The following ANAPC1 variants were observed in gnomAD, a reference collection of about 807,000 sequenced individuals.
ANAPC1 encodes the protein anaphase-promoting complex subunit 1.
ANAPC1 carries 36 observed loss-of-function variants against 208.0 expected under a neutral mutation model. The ratio of observed to expected loss-of-function variants is 0.17; its 90% confidence interval spans 0.13 to 0.23. ANAPC1 has a LOEUF of 0.23. Ranked by LOEUF, ANAPC1 falls within the 10% of genes least tolerant of loss-of-function variation. The probability of loss-of-function intolerance (pLI) is 1.00; values close to 1 mark genes in which losing one functional copy is unlikely to be tolerated. For missense variants in ANAPC1, 942 were observed against 2,011.6 expected (o/e 0.47, Z 10.17); for synonymous variants, 378 against 695.2 (o/e 0.54, Z 7.18).
chr2:111,776,046 T>C (rs896473791), intron 46 of ANAPC1, among the ~76,000 whole-genome samples: 4 of 149,852 alleles, frequency 2.7e-5, no homozygotes, highest in South Asian at 2.1e-4. Flanking sequence ...GGTGGATAGT[T>C]TTAAACTCAA....
chr2:111,870,515 T>C (rs1010450266), intron 6 of ANAPC1, among the ~76,000 whole-genome samples: 1 of 151,706 alleles, frequency 6.6e-6, no homozygotes, highest in Non-Finnish European at 1.5e-5. Flanking sequence ...TGTATCTTCT[T>C]TTGAGAACTG....
chr2:111,868,813 G>A (rs564593982), intron 6 of ANAPC1, among the ~76,000 whole-genome samples: 5 of 152,126 alleles, frequency 3.3e-5, no homozygotes, highest in African/African-American at 9.7e-5. Flanking sequence ...GATTACAGGC[G>A]TGAGCCACCA....
chr2:111,830,230 C>A (rs4848190), intron 21 of ANAPC1, among the ~76,000 whole-genome samples: 88,349 of 151,990 alleles, frequency 0.58, 26,613 homozygotes, highest in South Asian at 0.69. Flanking sequence ...CAGAAACAGA[C>A]ACACAAGAAT....
At chr2:111,851,163 C>T (rs1205506960) in intron 13 of ANAPC1, among the ~76,000 whole-genome samples, 1 of 151,624 alleles carries the variant, frequency 6.6e-6, no homozygotes, top group Non-Finnish European at 1.5e-5. Context: ...AGTACAGTGG[C>T]ATGATCTCAG....
In ANAPC1 at chr2:111,769,146, C is replaced by T. The variant is rs1469606414; in HGVS notation, c.*145G>A. The T allele has an allele frequency of 8.5e-6, 5 of 586,112 alleles. No homozygotes were observed. The highest frequency in any genetic ancestry group is 1.3e-5 in the Non-Finnish European group (4 of 318,172). The allele number at this position is 586,112 out of a possible 1,614,324, so 36.3% of individuals were successfully genotyped here. ...CATATACCGTTAATGATGACAGCAA[C>T]AGATTTAAAATACATTGAGGTTTGT... On this transcript the variant is annotated 3_prime_UTR_variant, in exon 48 of 48. Transcript: ENST00000341068.
rs545151886 is a variant in ANAPC1, at chr2:111,851,510, G to A, written c.1516-600C>T. Among the ~76,000 whole-genome samples the A allele has an allele frequency of 2.0e-5, 3 of 152,118 alleles. No homozygotes were observed. In the South Asian group the frequency reaches 6.2e-4, roughly 32 times the overall value. ...ACTCTTCTACCTTTTTGGTCATAAA[G>A]ACAGTAAGAACAGCGGCCGGGCGCG... On this transcript the variant is annotated intron_variant, in intron 13 of 47. Transcript: ENST00000341068.
At chr2:111,864,748 C>T in intron 8 of ANAPC1, 58 bp downstream of exon 8, 3 of 1,604,214 alleles carry the variant, frequency 1.9e-6, no homozygotes, top group South Asian at 2.2e-5. Flanking sequence ...CAGGTGTGAG[C>T]CAGTGCACCC....
At chr2:111,862,650 T>C in intron 9 of ANAPC1, 52 bp from the exon 10 acceptor site, 1 of 1,584,058 alleles carries the variant, frequency 6.3e-7, no homozygotes, top group Non-Finnish European at 8.6e-7. Flanking sequence ...GGCAGGCTTA[T>C]ATGACACACA....
Position 111,863,742 on chromosome 2 carries a change from T to C in ANAPC1, c.985A>G (p.Ser329Gly). 1 of 1,613,956 alleles carries C rather than the reference T, an allele frequency of 6.2e-7. No homozygotes were observed. Among genetic ancestry groups the C allele is most frequent in the Non-Finnish European group, 8.5e-7 (1 of 1,179,858 alleles). ...FQNYSSIHSQSRSTSSPSLHS... is the reference protein window; with the variant it reads ...FQNYSSIHSQGRSTSSPSLHS... ...AGACTGGGTGATGAGGTTGAGCGAC[T>C]CTGGCTGTGAATGGAGGAGTAATTC... Residue 329 changes from serine (S) to glycine (G), a missense_variant, in exon 9 of 48, where the codon AGT becomes GGT. By Grantham distance (56) the Ser-to-Gly change is moderately conservative. Transcript: ENST00000341068.
At chr2:111,808,828 G>C in intron 29 of ANAPC1, 119 bp downstream of exon 29, 4 of 1,467,266 alleles carry the variant, frequency 2.7e-6, no homozygotes, top group Non-Finnish European at 3.8e-6. Flanking sequence ...ATCATTCTTT[G>C]CTCATAAAAG....
chr2:111,774,673 A>AG, intron 46 of ANAPC1, among the ~76,000 whole-genome samples: 1 of 25,116 alleles, frequency 4.0e-5, no homozygotes, highest in East Asian at 6.9e-4. Context: ...AAAAAAAAAA[A>AG]AAAAAAAAGG....
At chr2:111,827,682 G>A (rs1203556668) in intron 21 of ANAPC1, among the ~76,000 whole-genome samples, 2 of 152,094 alleles carry the variant, frequency 1.3e-5, no homozygotes, top group African/African-American at 4.8e-5. Context: ...TTGAGCCCCG[G>A]GAGGTTGAGG....
chr2:111,839,573 G>A (rs1269793224), intron 17 of ANAPC1, among the ~76,000 whole-genome samples: 2 of 152,202 alleles, frequency 1.3e-5, no homozygotes, highest in African/African-American at 4.8e-5. Flanking sequence ...AACATAGGTA[G>A]CAATAAAGTG....
At chr2:111,769,974 G>A (rs1357015083) in intron 47 of ANAPC1, among the ~76,000 whole-genome samples, 3 of 151,728 alleles carry the variant, frequency 2.0e-5, no homozygotes, top group Non-Finnish European at 4.4e-5. Context: ...GAGCCACTGC[G>A]CCCAGCCTCG....
At chr2:111,831,708 G>A (rs1680142981) in intron 20 of ANAPC1, among the ~76,000 whole-genome samples, 1 of 151,016 alleles carries the variant, frequency 6.6e-6, no homozygotes, top group South Asian at 2.1e-4. Context: ...GGGCCTAGTG[G>A]TGCGCACCCG....
At chr2:111,833,681 T>TAAAAAAAAAAAAAAAAAAAA (rs372311361) in intron 19 of ANAPC1, among the ~76,000 whole-genome samples, 2 of 85,998 alleles carry the variant, frequency 2.3e-5, no homozygotes, top group Non-Finnish European at 4.5e-5. Flanking sequence ...ATAAAATATG[T>TAAAAAAAAAAAAAAAAAAAA]AAAAAAAAAA....
chr2:111,863,523 A>C, intron 9 of ANAPC1, 152 bp downstream of exon 9: 1 of 769,088 alleles, frequency 1.3e-6, no homozygotes, highest in African/African-American at 1.8e-5. Flanking sequence ...AAAAAAAAAA[A>C]AAAAAAAAAG....
chr2:111,825,362 C>T (rs954893558), intron 22 of ANAPC1, among the ~76,000 whole-genome samples, 195 bp from the exon 23 acceptor site: 1 of 152,178 alleles, frequency 6.6e-6, no homozygotes, highest in Non-Finnish European at 1.5e-5. Context: ...TAGGACACCC[C>T]ATGCGTACCC....
intron 20 of ANAPC1, among the ~76,000 whole-genome samples, chr2:111,832,307 A>G (rs1195498720): frequency 4.7e-5 from 7 of 148,338 alleles, no homozygotes; most frequent in African/African-American, 1.7e-4. Flanking sequence ...TGTCTCAAGA[A>G]AAAAAAAAAA....
Sources: allele counts gnomAD v4.1 joint callset (sites outside exome capture counted in the v4.1 genomes callset), GRCh38; gene constraint gnomAD v4.1.1; transcripts MANE v1.5; gene names NCBI Gene and HGNC (gene_info 2026-07-23, HGNC 2026-07-21).